PALM2AKAP2: variants seen among roughly 807,000 people sequenced by gnomAD.
The protein encoded by PALM2AKAP2 is PALM2 and AKAP2 fusion.
PALM2AKAP2 carries 37 observed loss-of-function variants against 71.5 expected under a neutral mutation model. That is an observed-to-expected ratio of 0.52 (90% CI 0.40 to 0.68). The LOEUF is 0.68. PALM2AKAP2 is among the 30% of genes least tolerant of loss of function. The probability of loss-of-function intolerance (pLI) is 0.00; values close to 1 mark genes in which losing one functional copy is unlikely to be tolerated. For synonymous variants in PALM2AKAP2, 468 were observed against 478.8 expected, an observed-to-expected ratio of 0.98 and a Z score of 0.29; for missense variants, 1,224 against 1,191.8, an observed-to-expected ratio of 1.03 and a Z score of -0.40.
chr9:109,888,072 G>A (rs1473970116), intron 3 of PALM2AKAP2, among the ~76,000 whole-genome samples: 1 of 152,118 alleles, frequency 6.6e-6, no homozygotes, highest in African/African-American at 2.4e-5. Flanking sequence ...TTTCATTTTG[G>A]GCTTGGCTCC....
In PALM2AKAP2 at chr9:109,867,404, G is replaced by GTGCTGC; in HGVS notation, c.46-73_46-68dup. On this transcript the variant is annotated intron_variant, in intron 1 of 9. Transcript: ENST00000302798. ...TCTCTGGAAGTGTCTATACAGATGT[G>GTGCTGC]TGCTGCTGCTGCTGCTGCTTTCTGC... The GTGCTGC allele has an allele frequency of 2.0e-6, 3 of 1,467,756 alleles. No homozygotes were observed. The Admixed American group carries it at 5.2e-5, about 25-fold the overall frequency. 90.9% of individuals were successfully genotyped at this position (1,467,756 alleles called of 1,614,324 possible). A position where few individuals can be genotyped will look rare whatever the true frequency, so the allele number is the denominator to read the frequency against.
rs924499087 is a variant in PALM2AKAP2 at position 110,150,591 on chromosome 9, T to G, written c.2570-5728T>G. 4.6e-5 allele frequency among the ~76,000 whole-genome samples: 7 copies of G among 152,330 alleles called. No homozygotes were observed. The East Asian group carries it at 1.3e-3, about 29-fold the overall frequency. ...TCAAGTACCTAAACTTAATCACAAC[T>G]GCAAAGTTCTTTTTACCTCTAAAGC... is the stretch of plus-strand genomic sequence containing the variant. On this transcript the variant is annotated intron_variant, in intron 2 of 3. Transcript: ENST00000374525.
Position 109,685,488 on chromosome 9 carries a change from C to T in PALM2AKAP2, c.5+44622C>T, listed in dbSNP as rs545609347. 1.2e-3 allele frequency among the ~76,000 whole-genome samples: 179 copies of T among 152,156 alleles called. 1 individual carries two copies. The highest frequency in any genetic ancestry group is 4.0e-3 in the African/African-American group (168 of 41,510). ...AGTGCATGTAAAATTTATGTTTACACTATACTATACTAAAGTAGTTATAGT... is the reference window on the plus strand; with the variant it reads ...AGTGCATGTAAAATTTATGTTTACATTATACTATACTAAAGTAGTTATAGT... On this transcript the variant is annotated intron_variant, in intron 1 of 6. Transcript: ENST00000374531.
chr9:109,677,667 CAAA>C (rs33952632), intron 1 of PALM2AKAP2, among the ~76,000 whole-genome samples: 19 of 98,632 alleles, frequency 1.9e-4, no homozygotes, highest in African/African-American at 1.5e-4. Context: ...GACTCTGTCT[CAAA>C]AAAAAAAAAA....
chr9:110,161,239 A>G (rs1836586078), intron 3 of PALM2AKAP2, among the ~76,000 whole-genome samples: 1 of 152,174 alleles, frequency 6.6e-6, no homozygotes, highest in African/African-American at 2.4e-5. Flanking sequence ...GTCAGCAATC[A>G]CAGATGTGTG....
rs138520727 is a variant in PALM2AKAP2, at chr9:109,749,320, A to G, written c.6-31168A>G. Among the ~76,000 whole-genome samples the G allele has an allele frequency of 6.7e-3, 1,026 of 152,144 alleles. 7 individuals are homozygous for G. The highest frequency in any genetic ancestry group is 0.012 in the Non-Finnish European group (797 of 67,998). On this transcript the variant is annotated intron_variant, in intron 1 of 6. Transcript: ENST00000374531. Reference sequence around the variant, plus strand: ...ATTGAAATTAGTCACGCGCCCCACCATATTAGAACCACTTTCCTGGGCCTA... The same window carrying G: ...ATTGAAATTAGTCACGCGCCCCACCGTATTAGAACCACTTTCCTGGGCCTA...
rs1298856707 is a variant in PALM2AKAP2, at chr9:109,844,954, TGTGTGCATGTGCACACAC to T, written c.46-22535_46-22518del. ...TGATGTGTGTGTGTGTGTGTGTGTG[TGTGTGCATGTGCACACAC>T]GCATGCACGCACACACGCTCTGGTA... On this transcript the variant is annotated intron_variant, in intron 1 of 9. Transcript: ENST00000302798. Among the ~76,000 whole-genome samples, 1,107 of 151,878 alleles carry T rather than the reference TGTGTGCATGTGCACACAC, an allele frequency of 7.3e-3. 13 individuals are homozygous for T. Among genetic ancestry groups the T allele is most frequent in the African/African-American group, 0.026 (1,084 of 41,248 alleles).
At chr9:109,867,299 G>A (rs962655059) in intron 1 of PALM2AKAP2, 192 bp from the exon 2 acceptor site, 1 of 559,452 alleles carries the variant, frequency 1.8e-6, no homozygotes, top group Non-Finnish European at 3.2e-6. Context: ...CGAGCCTACA[G>A]CAGACATGTT....
At chr9:109,717,104 A>G (rs1828336373) in intron 1 of PALM2AKAP2, among the ~76,000 whole-genome samples, 1 of 152,158 alleles carries the variant, frequency 6.6e-6, no homozygotes, top group Non-Finnish European at 1.5e-5. Context: ...CTGGCAAGTT[A>G]GGGTTAAGTG....
At chr9:109,977,129 T>C (rs1832186604) in intron 6 of PALM2AKAP2, among the ~76,000 whole-genome samples, 1 of 152,178 alleles carries the variant, frequency 6.6e-6, no homozygotes, top group African/African-American at 2.4e-5. Context: ...TTTCTAATGC[T>C]GCTGGTCCTG....
intron 6 of PALM2AKAP2, among the ~76,000 whole-genome samples, chr9:109,954,659 A>T (rs918665232): frequency 2.1e-4 from 1 of 4,858 alleles, no homozygotes; most frequent in Non-Finnish European, 3.7e-4. Context: ...AAAGTATAAT[A>T]AAAAAAAAAA....
At chr9:109,870,047 T>C (rs7042517) in intron 2 of PALM2AKAP2, among the ~76,000 whole-genome samples, 106,631 of 151,990 alleles carry the variant, frequency 0.7, 37,560 homozygotes, top group Admixed American at 0.74. Context: ...TCTAGTACTA[T>C]CTGCAGAGAG....
At position 109,894,141 on chromosome 9, in the gene PALM2AKAP2, A is replaced by G. The variant is rs369911336; in HGVS notation, c.257+13460A>G. On this transcript the variant is annotated intron_variant, in intron 3 of 9. Coordinates refer to the PALM2AKAP2 transcript ENST00000302798. ...CACCTGAGGTCAGGAGTTTGAGCCC[A>G]GCCTGGTCAACATGATGAAACCCCG... 2.7e-4 allele frequency among the ~76,000 whole-genome samples: 41 copies of G among 152,182 alleles called. No homozygotes were observed. In the South Asian group the frequency reaches 8.1e-3, roughly 30 times the overall value.
intron 1 of PALM2AKAP2, among the ~76,000 whole-genome samples, chr9:110,124,824 C>T (rs755648975): frequency 1.3e-4 from 20 of 152,084 alleles, no homozygotes; most frequent in Non-Finnish European, 2.6e-4. Context: ...CCACTTAAAA[C>T]ATATCTTACA....
intron 6 of PALM2AKAP2, among the ~76,000 whole-genome samples, chr9:109,949,437 G>A (rs183434773): frequency 2.2e-3 from 337 of 152,320 alleles, no homozygotes; most frequent in Non-Finnish European, 3.6e-3. Context: ...GGTGAGAATA[G>A]GAGTGGCTGT....
intron 5 of PALM2AKAP2, among the ~76,000 whole-genome samples, chr9:109,931,571 A>G (rs1469346086): frequency 6.6e-6 from 1 of 152,176 alleles, no homozygotes; most frequent in Non-Finnish European, 1.5e-5. Context: ...TTCTAGTTCC[A>G]TGTTTTCTAT....
chr9:109,685,032 G>A (rs1827788622), intron 1 of PALM2AKAP2, among the ~76,000 whole-genome samples: 1 of 152,162 alleles, frequency 6.6e-6, no homozygotes, highest in African/African-American at 2.4e-5. Flanking sequence ...ATACTAAGTA[G>A]AGAAACCAGA....
At chr9:109,820,797 C>T (rs1827977342) in intron 1 of PALM2AKAP2, among the ~76,000 whole-genome samples, 1 of 152,200 alleles carries the variant, frequency 6.6e-6, no homozygotes, top group Non-Finnish European at 1.5e-5. Flanking sequence ...GTGGATATGA[C>T]CTTTTCCTTT....
intron 3 of PALM2AKAP2, among the ~76,000 whole-genome samples, chr9:109,910,448 G>C (rs1454642790): frequency 6.6e-6 from 1 of 152,204 alleles, no homozygotes; most frequent in Non-Finnish European, 1.5e-5. Context: ...CTGGACATGA[G>C]TAGCCAAGAA....
Sources: allele counts gnomAD v4.1 joint callset (sites outside exome capture counted in the v4.1 genomes callset), GRCh38; gene constraint gnomAD v4.1.1; transcripts MANE v1.5; gene names NCBI Gene and HGNC (gene_info 2026-07-23, HGNC 2026-07-21).